LHPP: variants seen among roughly 807,000 people sequenced by gnomAD.
LHPP encodes phospholysine phosphohistidine inorganic pyrophosphate phosphatase.
Under a neutral mutation model 30.3 loss-of-function variants are expected in LHPP, and 24 were observed. The observed-to-expected ratio is 0.79, with a 90% CI of 0.57 to 1.11. The LOEUF (loss-of-function observed/expected upper bound fraction) is 1.11, where lower values mean the gene tolerates loss of function less well. LHPP is among the 50% of genes most tolerant of loss of function. LHPP has a pLI of 0.00. For missense variants in LHPP, 356 were observed against 367.2 expected (o/e 0.97, Z 0.25); for synonymous variants, 150 against 157.1 (o/e 0.95, Z 0.34).
chr10:124,547,288 C>A (rs1047808962), intron 6 of LHPP, among the ~76,000 whole-genome samples: 2 of 152,008 alleles, frequency 1.3e-5, no homozygotes, highest in Admixed American at 1.3e-4. Context: ...TCCCTTTTTT[C>A]CCCTTTTCAT....
intron 6 of LHPP, among the ~76,000 whole-genome samples, chr10:124,559,999 G>A (rs1376141723): frequency 6.6e-6 from 1 of 152,214 alleles, no homozygotes; most frequent in Non-Finnish European, 1.5e-5. Flanking sequence ...CTGGGAGGAG[G>A]CATCATTTCC....
intron 6 of LHPP, among the ~76,000 whole-genome samples, chr10:124,610,389 CGGGTGAGGGTGCTGGTGGAGCGGGTGA>C (rs1949159701): frequency 8.3e-6 from 1 of 120,014 alleles, no homozygotes. Flanking sequence ...GGTGAGGGTG[CGGGTGAGGGTGCTGGTGGAGCGGGTGA>C]GGGTGAGGGT....
chr10:124,580,031 T>G (rs1284188401), intron 6 of LHPP, among the ~76,000 whole-genome samples: 1 of 152,260 alleles, frequency 6.6e-6, no homozygotes, highest in East Asian at 1.9e-4. Flanking sequence ...GCTTGAGCAC[T>G]TCTTCAAATG....
chr10:124,476,473 A>G (rs1952947518), intron 1 of LHPP, among the ~76,000 whole-genome samples: 1 of 152,160 alleles, frequency 6.6e-6, no homozygotes, highest in South Asian at 2.1e-4. Flanking sequence ...GCTGGGCACC[A>G]CCATCACCCA....
rs1187167230 is a variant in LHPP at position 124,541,532 on chromosome 10, T to C, written c.716+24261T>C. Among the ~76,000 whole-genome samples the C allele has an allele frequency of 6.6e-6, 1 of 151,974 alleles. No homozygotes were observed. Among genetic ancestry groups the C allele is most frequent in the Non-Finnish European group, 1.5e-5 (1 of 67,946 alleles). On this transcript the variant is annotated intron_variant, in intron 6 of 6. Transcript: ENST00000368842. The surrounding 1 kb of genome is among the most constrained non-coding windows in gnomAD (Gnocchi z 4.2). ...ATTCCACCTGGGCGTTTGGTGTCCC[T>C]AGCATATCTCGAATGGCAGGCTGAG...
At chr10:124,551,205 G>C (rs1948158659) in intron 6 of LHPP, among the ~76,000 whole-genome samples, 2 of 152,174 alleles carry the variant, frequency 1.3e-5, no homozygotes, top group Admixed American at 1.3e-4. Context: ...AGACTGCGCA[G>C]AAGGAGGGCA....
chr10:124,495,629 A>G (rs1489338187), intron 3 of LHPP, among the ~76,000 whole-genome samples: 2 of 152,166 alleles, frequency 1.3e-5, no homozygotes, highest in African/African-American at 4.8e-5. Context: ...GCAGCTCCCG[A>G]GGAGCTCAGT....
At chr10:124,610,091 G>A (rs975884557) in intron 6 of LHPP, among the ~76,000 whole-genome samples, 10 of 152,176 alleles carry the variant, frequency 6.6e-5, no homozygotes, top group Non-Finnish European at 1.5e-4. Flanking sequence ...AGAAGGCCTC[G>A]TGGTGATGCC....
chr10:124,507,135 GGGGT>G (rs777095036), intron 5 of LHPP, among the ~76,000 whole-genome samples: 5 of 88,614 alleles, frequency 5.6e-5, no homozygotes, highest in South Asian at 6.3e-4. Flanking sequence ...TTCAGGTCGG[GGGGT>G]TAGAGAGGAT....
rs570579311 is a variant in LHPP, at chr10:124,518,636, C to T, written c.716+1365C>T. ...CAGGAGGTGGAAAGGGAGAACCGTA[C>T]TGTGTTGTGTACTGGGCTTCTTCCA... is the stretch of plus-strand genomic sequence containing the variant. On this transcript the variant is annotated intron_variant, in intron 6 of 6. Coordinates refer to ENST00000368842, the MANE Select transcript of LHPP (RefSeq NM_022126.4). 1.2e-3 allele frequency among the ~76,000 whole-genome samples: 176 copies of T among 152,342 alleles called. 2 individuals carry two copies. The highest frequency in any genetic ancestry group is 4.1e-3 in the African/African-American group (172 of 41,582).
intron 6 of LHPP, among the ~76,000 whole-genome samples, chr10:124,558,514 G>T (rs931717731): frequency 6.6e-6 from 1 of 152,226 alleles, no homozygotes; most frequent in Admixed American, 6.5e-5. Context: ...TCTCCCAAGA[G>T]TGTGTGCCCT....
At chr10:124,556,469 C>T (rs1329929880) in intron 6 of LHPP, among the ~76,000 whole-genome samples, 3 of 152,206 alleles carry the variant, frequency 2.0e-5, no homozygotes, top group African/African-American at 7.2e-5. Context: ...TTATTGTAAA[C>T]CCAACTGCAT....
chr10:124,563,295 ATC>A (rs958039159), intron 6 of LHPP, among the ~76,000 whole-genome samples: 1 of 44,976 alleles, frequency 2.2e-5, no homozygotes, highest in Non-Finnish European at 4.5e-5. Context: ...AAAAGAAACA[ATC>A]TCTCTCTCTC....
At chr10:124,551,522 C>T (rs1205913276) in intron 6 of LHPP, among the ~76,000 whole-genome samples, 1 of 152,174 alleles carries the variant, frequency 6.6e-6, no homozygotes, top group Admixed American at 6.5e-5. Context: ...ACAGGACCCT[C>T]GGGGTGGAGG....
chr10:124,610,723 C>T (rs371789540), intron 6 of LHPP, among the ~76,000 whole-genome samples: 27 of 13,118 alleles, frequency 2.1e-3, no homozygotes, highest in African/African-American at 7.0e-3. Flanking sequence ...ATGGAGCGGG[C>T]GAGGGTGAGG....
chr10:124,564,210 A>G (rs558165744), intron 6 of LHPP, among the ~76,000 whole-genome samples: 18 of 149,686 alleles, frequency 1.2e-4, no homozygotes, highest in Non-Finnish European at 2.5e-4. Flanking sequence ...TGCAACCTCC[A>G]CCTCCCAGGT....
At chr10:124,494,827 C>G (rs1001026760) in intron 3 of LHPP, among the ~76,000 whole-genome samples, 5 of 152,208 alleles carry the variant, frequency 3.3e-5, no homozygotes, top group Admixed American at 2.0e-4. Context: ...TGCTTCCCCA[C>G]CAGACTGTGA....
At position 124,517,840 on chromosome 10, in the gene LHPP, G is replaced by GT. The variant is rs1445369780; in HGVS notation, c.716+570dup. 6.6e-6 allele frequency among the ~76,000 whole-genome samples: 1 copy of GT among 152,182 alleles called. No homozygotes were observed. On this transcript the variant is annotated intron_variant, in intron 6 of 6. Transcript: ENST00000368842. The surrounding 1 kb of genome is among the most constrained non-coding windows in gnomAD (Gnocchi z 4.1). Reference sequence around the variant, plus strand: ...TCAGGGGTTGGGAGCTCCCAGGCATGTGGAGGGCCCTGTGGTACCCAAGCT... The same window carrying GT: ...TCAGGGGTTGGGAGCTCCCAGGCATGTTGGAGGGCCCTGTGGTACCCAAGCT...
chr10:124,498,174 A>G lies in LHPP; in HGVS notation c.624+46A>G, dbSNP rs575452162. On this transcript the variant is annotated intron_variant, in intron 5 of 6. Coordinates refer to ENST00000368842, the MANE Select transcript of LHPP (RefSeq NM_022126.4). ...GTGGGTCAGGGGAGGCAGCCCCGTC[A>G]GGGAGGCCCTGGAGCTTGGAATGGA... The G allele has an allele frequency of 2.6e-5, 41 of 1,570,370 alleles. No individual in the cohort carries two copies. In the South Asian group the frequency reaches 3.8e-4, roughly 14 times the overall value.
Sources: allele counts gnomAD v4.1 joint callset (sites outside exome capture counted in the v4.1 genomes callset), GRCh38; gene constraint gnomAD v4.1.1; non-coding constraint Gnocchi (gnomAD v3.1); transcripts MANE v1.5; gene names NCBI Gene and HGNC (gene_info 2026-07-23, HGNC 2026-07-21).